The following VPS8 variants were observed in gnomAD, a reference collection of about 807,000 sequenced individuals.
The protein encoded by VPS8 is vacuolar protein sorting-associated protein 8 homolog.
In VPS8, 129 loss-of-function variants were observed where a neutral mutation model predicts 216.4. That is an observed-to-expected ratio of 0.60 (90% CI 0.52 to 0.69). The LOEUF (loss-of-function observed/expected upper bound fraction) is 0.69. VPS8 is among the 30% of genes least tolerant of loss of function. VPS8 has a pLI of 0.00. For missense variants in VPS8, 1,531 were observed against 1,683.5 expected, an observed-to-expected ratio of 0.91 and a Z score of 1.59; for synonymous variants, 571 against 565.4, an observed-to-expected ratio of 1.01 and a Z score of -0.14.
intron 21 of VPS8, among the ~76,000 whole-genome samples, chr3:184,872,380 T>G (rs1176427151): frequency 6.6e-6 from 1 of 152,070 alleles, no homozygotes; most frequent in Admixed American, 6.6e-5. Context: ...GACGTTCTGA[T>G]GGAGAAATAG....
At chr3:184,868,272 A>T (rs1727731880) in intron 18 of VPS8, 2 of 505,816 alleles carry the variant, frequency 4.0e-6, no homozygotes, top group Non-Finnish European at 7.0e-6. Context: ...ATTCAAAATA[A>T]TAGTGGCTTA....
chr3:184,838,941 G>T (rs1015199298), intron 6 of VPS8, 195 bp downstream of exon 6: 5 of 493,892 alleles, frequency 1.0e-5, no homozygotes, highest in Non-Finnish European at 1.8e-5. Flanking sequence ...TTACTTTTTA[G>T]GCTTTTGTTT....
rs193134852 is a variant in VPS8 at position 184,905,143 on chromosome 3, G to A, written c.2146+4171G>A. On this transcript the variant is annotated intron_variant, in intron 25 of 47. Transcript: ENST00000625842. ...TACTACAGCATTAATCCATTCATGA[G>A]GGTAGAACCCTCATGACTTAAACAC... Among the ~76,000 whole-genome samples, 118 of 152,204 alleles carry A rather than the reference G, an allele frequency of 7.8e-4. No individual in the cohort carries two copies. The Middle Eastern group carries it at 0.024, about 31-fold the overall frequency.
chr3:185,017,947 C>G (rs1309154306), intron 45 of VPS8, among the ~76,000 whole-genome samples: 1 of 152,190 alleles, frequency 6.6e-6, no homozygotes, highest in South Asian at 2.1e-4. Flanking sequence ...TCAGGCTCAG[C>G]AGTTTTCATT....
In VPS8 at chr3:184,849,165, A is replaced by G. The variant is rs368047991; in HGVS notation, c.636A>G (p.Ser212=). Residue 212 remains serine (S), a synonymous_variant, in exon 9 of 48, where the codon TCA becomes TCG. Transcript: ENST00000625842. ...CCCTCAGTATCAACAATGATTGCTC[A>G]AGACTTCTTTGTGGCTTTGCTAAAG... is the stretch of plus-strand genomic sequence containing the variant. ...ISALSINNDC[S]RLLCGFAKGQ... 80 of 1,613,464 alleles carry G rather than the reference A, an allele frequency of 5.0e-5. No homozygotes were observed. The African/African-American group carries it at 9.9e-4, about 20-fold the overall frequency.
rs745710027 is a variant in VPS8, at chr3:184,850,059, A to C, written c.753+37A>C. On this transcript the variant is annotated intron_variant, in intron 10 of 47. Coordinates refer to ENST00000625842, the MANE Select transcript of VPS8 (RefSeq NM_001009921.3). ...ATTTTCTTTTCCTAATAATTTTTTTATTATGCCTTTGTGTTTATTTTAAAG... is the reference window on the plus strand; with the variant it reads ...ATTTTCTTTTCCTAATAATTTTTTTCTTATGCCTTTGTGTTTATTTTAAAG... 3 of 1,532,664 alleles carry C rather than the reference A, an allele frequency of 2.0e-6. No homozygotes were observed. The African/African-American group carries it at 4.2e-5, about 21-fold the overall frequency. 94.9% of individuals were successfully genotyped at this position (1,532,664 alleles called of 1,614,324 possible).
intron 25 of VPS8, among the ~76,000 whole-genome samples, chr3:184,911,455 A>G (rs1001365276): frequency 1.3e-5 from 2 of 152,242 alleles, no homozygotes; most frequent in African/African-American, 4.8e-5. Flanking sequence ...TTGAGGACAC[A>G]CTAGGAGAAA....
At chr3:184,997,572 G>A (rs1462996139) in intron 44 of VPS8, among the ~76,000 whole-genome samples, 2 of 152,206 alleles carry the variant, frequency 1.3e-5, no homozygotes, top group Non-Finnish European at 2.9e-5. Flanking sequence ...TGCTATTCAA[G>A]GGGATAGGAT....
chr3:184,851,415 G>T (rs1294929026), intron 10 of VPS8, among the ~76,000 whole-genome samples: 1 of 151,942 alleles, frequency 6.6e-6, no homozygotes, highest in African/African-American at 2.4e-5. Flanking sequence ...CCAAACTTAA[G>T]CCTGTATCTC....
At chr3:184,969,097 T>C (rs10937193) in intron 39 of VPS8, among the ~76,000 whole-genome samples, 1 of 152,210 alleles carries the variant, frequency 6.6e-6, no homozygotes, top group South Asian at 2.1e-4. Flanking sequence ...AATTTTAAAA[T>C]TTTAGTGTTA....
intron 45 of VPS8, among the ~76,000 whole-genome samples, chr3:185,003,982 C>T (rs1454021529): frequency 6.6e-6 from 1 of 151,874 alleles, no homozygotes; most frequent in Non-Finnish European, 1.5e-5. Context: ...AGAGACGCTC[C>T]TCACTTCCTA....
At chr3:184,925,083 C>A (rs1341485172) in intron 30 of VPS8, 102 bp downstream of exon 30, 1 of 1,442,698 alleles carries the variant, frequency 6.9e-7, no homozygotes, top group East Asian at 2.5e-5. Context: ...TGGGTAAATA[C>A]CTTATCAAGG....
intron 36 of VPS8, among the ~76,000 whole-genome samples, chr3:184,955,844 G>A (rs1181608272): frequency 2.0e-5 from 3 of 152,008 alleles, no homozygotes; most frequent in Non-Finnish European, 4.4e-5. Flanking sequence ...ACTTTACAAT[G>A]TGGTTGGGGA....
rs536130679 is a variant in VPS8 at position 184,869,479 on chromosome 3, C to A, written c.1598-3C>A. The A allele has an allele frequency of 1.2e-5, 19 of 1,613,200 alleles. No individual in the cohort carries two copies. Among genetic ancestry groups the A allele is most frequent in the Non-Finnish European group, 3.4e-6 (4 of 1,179,450 alleles). On this transcript the variant is annotated splice_polypyrimidine_tract_variant and splice_region_variant and intron_variant, in intron 19 of 47. Transcript: ENST00000625842. ...TTTTTTGTTGGATTTTCCTTCTCTG[C>A]AGGATTATCAGGGGATGCCAGTAAG... is the stretch of plus-strand genomic sequence containing the variant.
At chr3:184,999,084 T>G in intron 44 of VPS8, among the ~76,000 whole-genome samples, 1 of 151,082 alleles carries the variant, frequency 6.6e-6, no homozygotes, top group African/African-American at 2.4e-5. Flanking sequence ...TGAGACAGAG[T>G]TTTGCTCTTG....
At chr3:184,893,137 G>A (rs943522503) in intron 22 of VPS8, 2 of 520,714 alleles carry the variant, frequency 3.8e-6, no homozygotes, top group African/African-American at 2.1e-5. Context: ...AATGGCTGTG[G>A]ATTTTCCCTA....
At chr3:184,999,663 A>T in intron 44 of VPS8, 33 bp from the exon 45 acceptor site, 1 of 1,573,970 alleles carries the variant, frequency 6.4e-7, no homozygotes, top group Non-Finnish European at 8.6e-7. Context: ...TTGTGATAAT[A>T]AAAAGTACAA....
intron 1 of VPS8, among the ~76,000 whole-genome samples, chr3:184,818,541 T>G (rs1428118490): frequency 2.2e-5 from 3 of 138,794 alleles, no homozygotes; most frequent in African/African-American, 5.3e-5. Flanking sequence ...AAAAAAAAAG[T>G]CCATTTGCCA....
intron 22 of VPS8, among the ~76,000 whole-genome samples, chr3:184,892,194 T>A (rs914176322): frequency 6.6e-6 from 1 of 152,098 alleles, no homozygotes; most frequent in East Asian, 1.9e-4. Context: ...GAAAAAAATA[T>A]GAGAGCTACA....
Sources: allele counts gnomAD v4.1 joint callset (sites outside exome capture counted in the v4.1 genomes callset), GRCh38; gene constraint gnomAD v4.1.1; transcripts MANE v1.5; gene names NCBI Gene and HGNC (gene_info 2026-07-23, HGNC 2026-07-21).